N4BP2L2: variants seen among roughly 807,000 people sequenced by gnomAD.
The protein encoded by N4BP2L2 is NEDD4-binding protein 2-like 2.
In N4BP2L2, 50 loss-of-function variants were observed where a neutral mutation model predicts 56.2. The observed-to-expected ratio is 0.89, with a 90% CI of 0.71 to 1.13. The LOEUF (loss-of-function observed/expected upper bound fraction) is 1.13. N4BP2L2 is among the 50% of genes most tolerant of loss of function. The pLI, the probability that N4BP2L2 is intolerant of heterozygous loss-of-function variation, is 0.00. For missense variants in N4BP2L2, 689 were observed against 693.8 expected, an observed-to-expected ratio of 0.99 and a Z score of 0.08; for synonymous variants, 203 against 223.6, an observed-to-expected ratio of 0.91 and a Z score of 0.82.
chr13:32,497,294 G>T (rs549616610), intron 6 of N4BP2L2, among the ~76,000 whole-genome samples: 55 of 152,136 alleles, frequency 3.6e-4, no homozygotes, highest in Admixed American at 5.9e-4. Context: ...AAAGGACCAG[G>T]GTACTCTCAT....
chr13:32,487,106 C>G (rs2086053955), intron 6 of N4BP2L2, among the ~76,000 whole-genome samples: 1 of 152,134 alleles, frequency 6.6e-6, no homozygotes, highest in South Asian at 2.1e-4. Context: ...GAAGAAGGAT[C>G]ACATGAGGCC....
At chr13:32,437,964 A>T (rs1350025293) in intron 8 of N4BP2L2, among the ~76,000 whole-genome samples, 3 of 152,216 alleles carry the variant, frequency 2.0e-5, no homozygotes, top group South Asian at 4.1e-4. Flanking sequence ...CAAGTTTGAT[A>T]AATTTTATTT....
intron 6 of N4BP2L2, among the ~76,000 whole-genome samples, chr13:32,483,682 A>G (rs1165791261): frequency 6.6e-6 from 1 of 152,216 alleles, no homozygotes; most frequent in African/African-American, 2.4e-5. Flanking sequence ...TTTCTAAAAT[A>G]ATAATTTAGT....
chr13:32,513,195 A>G (rs2048502110), exon 6 of N4BP2L2: 1 of 152,214 alleles, frequency 6.6e-6, no homozygotes. Context: ...AATAATCATA[A>G]TCATTAGCTT....
chr13:32,435,808 G>A (rs1297294335), intron 9 of N4BP2L2, among the ~76,000 whole-genome samples: 2 of 152,126 alleles, frequency 1.3e-5, no homozygotes, highest in African/African-American at 4.8e-5. Flanking sequence ...AAAAACGTAT[G>A]GTAAATGCAT....
chr13:32,511,434 C>T (rs1194833048), exon 6 of N4BP2L2: 2 of 152,184 alleles, frequency 1.3e-5, no homozygotes, highest in Non-Finnish European at 2.9e-5. Flanking sequence ...TAGCATCCAT[C>T]ATCATATAAT....
chr13:32,475,859 A>G (rs2083225905), intron 6 of N4BP2L2, among the ~76,000 whole-genome samples: 1 of 152,224 alleles, frequency 6.6e-6, no homozygotes. Context: ...TTGAAGACAG[A>G]TAAGAAAAAT....
chr13:32,437,849 T>C (rs970351078), intron 8 of N4BP2L2, among the ~76,000 whole-genome samples: 1 of 152,248 alleles, frequency 6.6e-6, no homozygotes, highest in Non-Finnish European at 1.5e-5. Flanking sequence ...GGGAATTAAA[T>C]GTAACCTTCT....
At chr13:32,538,791 A>G (rs1157585342), upstream of N4BP2L2, 1 of 985,328 alleles carries the variant, frequency 1.0e-6, no homozygotes, top group African/African-American at 1.7e-5. Context: ...CGTACGCAAG[A>G]TGGCGGTCAC....
chr13:32,433,931 C>CAAAAA (rs60540916), intron 9 of N4BP2L2, among the ~76,000 whole-genome samples: 18 of 85,982 alleles, frequency 2.1e-4, no homozygotes, highest in Non-Finnish European at 3.5e-4. Context: ...GACCGTGTCT[C>CAAAAA]AAAAAAAAAA....
intron 3 of N4BP2L2, among the ~76,000 whole-genome samples, chr13:32,526,358 G>C (rs2052774071): frequency 6.6e-6 from 1 of 152,128 alleles, no homozygotes; most frequent in Non-Finnish European, 1.5e-5. Context: ...TTACACACTG[G>C]GTTACATGAT....
chr13:32,476,875 G>A (rs937212008), intron 6 of N4BP2L2, among the ~76,000 whole-genome samples: 10 of 152,170 alleles, frequency 6.6e-5, no homozygotes, highest in Non-Finnish European at 1.5e-4. Flanking sequence ...TGCAAGGTGG[G>A]TGTGGCAGGA....
At chr13:32,517,592 A>G (rs981708083) in exon 6 of N4BP2L2, 46 of 1,334,598 alleles carry the variant, frequency 3.4e-5, no homozygotes, top group Non-Finnish European at 4.0e-5. Context: ...CAAGAGTATT[A>G]CAACAAGAGA....
rs143355569 is a variant in N4BP2L2, at chr13:32,529,682, T to C, written c.1260-2150A>G. ...GTTTTTTTTTTTGTTTCGTTTTGTT[T>C]TGTTTTTTCCATTCTATTACTTTAT... On this transcript the variant is annotated intron_variant, in intron 2 of 5. Transcript: ENST00000267068. Among the ~76,000 whole-genome samples, 281 of 152,176 alleles carry C rather than the reference T, an allele frequency of 1.8e-3. 1 individual carries two copies. The highest frequency in any genetic ancestry group is 0.014 in the Middle Eastern group (4 of 294).
intron 6 of N4BP2L2, among the ~76,000 whole-genome samples, chr13:32,477,004 C>T (rs762513743): frequency 1.1e-4 from 16 of 152,116 alleles, no homozygotes; most frequent in Non-Finnish European, 2.4e-4. Flanking sequence ...TTCTGCAACC[C>T]GCAGTCAACT....
At chr13:32,440,476 A>AT (rs1013448722) in intron 7 of N4BP2L2, among the ~76,000 whole-genome samples, 15 of 150,870 alleles carry the variant, frequency 9.9e-5, no homozygotes, top group South Asian at 2.1e-4. Context: ...TTAAGACAAA[A>AT]TTTTTTTTTT....
chr13:32,490,233 C>T (rs1350447468), intron 6 of N4BP2L2: 2 of 152,260 alleles, frequency 1.3e-5, no homozygotes, highest in Non-Finnish European at 1.5e-5. Flanking sequence ...GTGCCTGTGA[C>T]ATAGTAGGTG....
chr13:32,521,569 C>A, intron 4 of N4BP2L2, 120 bp from the exon 5 acceptor site: 1 of 633,922 alleles, frequency 1.6e-6, no homozygotes, highest in Non-Finnish European at 2.7e-6. Context: ...AGAAAAATGA[C>A]GCTTTATAAA....
chr13:32,464,644 C>T (rs2080886228), intron 6 of N4BP2L2, among the ~76,000 whole-genome samples: 1 of 152,176 alleles, frequency 6.6e-6, no homozygotes, highest in Non-Finnish European at 1.5e-5. Context: ...CAATGACTTT[C>T]TAACCAATTC....
Sources: gnomAD v4.1 joint callset for allele counts (sites outside exome capture counted in the v4.1 genomes callset) on GRCh38, gnomAD v4.1.1 for gene constraint, MANE v1.5 for transcripts, NCBI Gene and HGNC (gene_info 2026-07-23, HGNC 2026-07-21) for gene names.